STON1: variants seen among roughly 807,000 people sequenced by gnomAD.
The protein encoded by STON1 is stonin-1.
Under a neutral mutation model 60.9 loss-of-function variants are expected in STON1, and 79 were observed. That is an observed-to-expected ratio of 1.30 (90% confidence interval 1.08 to 1.56). The LOEUF is 1.56. Ranked by LOEUF, STON1 falls within the 40% of genes most tolerant of loss-of-function variation. STON1 has a pLI of 0.00. For synonymous variants in STON1, 363 were observed against 306.9 expected, an observed-to-expected ratio of 1.18 and a Z score of -1.91; for missense variants, 1,166 against 858.9, an observed-to-expected ratio of 1.36 and a Z score of -4.47.
intron 1 of STON1, among the ~76,000 whole-genome samples, chr2:48,546,427 T>G (rs1671869266): frequency 6.6e-6 from 1 of 152,204 alleles, no homozygotes; most frequent in Non-Finnish European, 1.5e-5. Flanking sequence ...GCCTTCAAGA[T>G]TTAGCTCTGA....
intron 1 of STON1, among the ~76,000 whole-genome samples, chr2:48,537,350 C>T (rs1290393681): frequency 6.6e-6 from 1 of 152,060 alleles, no homozygotes. Context: ...TTACTTAATG[C>T]TTTAATGTCT....
intron 1 of STON1, among the ~76,000 whole-genome samples, chr2:48,556,466 G>A (rs1480634334): frequency 1.2e-3 from 6 of 5,124 alleles, no homozygotes; most frequent in African/African-American, 3.6e-3. Context: ...CAGTAGGGGC[G>A]GCCGGGCAGA....
intron 1 of STON1, among the ~76,000 whole-genome samples, chr2:48,571,674 G>A (rs113048142): frequency 7.0e-4 from 107 of 152,272 alleles, no homozygotes; most frequent in African/African-American, 2.5e-3. Flanking sequence ...ACAGACCAAG[G>A]CTCTGGACAG....
chr2:48,564,878 G>C (rs1169225516), intron 1 of STON1, among the ~76,000 whole-genome samples: 1 of 148,146 alleles, frequency 6.8e-6, no homozygotes, highest in Non-Finnish European at 1.5e-5. Context: ...AATTACAGGC[G>C]TGCACCACCA....
intron 1 of STON1, among the ~76,000 whole-genome samples, chr2:48,534,788 G>C (rs1024770635): frequency 6.6e-6 from 1 of 152,152 alleles, no homozygotes; most frequent in African/African-American, 2.4e-5. Context: ...TCTCCTAAGA[G>C]GGGGTGAGGA....
rs183102146 is a variant in STON1 at position 48,565,408 on chromosome 2, C to G, written c.-47-15179C>G. Reference sequence around the variant, plus strand: ...CATGAGGGCTCTACACTCATGACCTCATTACCTTCTAATGGCCCCATCTCT... The same window carrying G: ...CATGAGGGCTCTACACTCATGACCTGATTACCTTCTAATGGCCCCATCTCT... On this transcript the variant is annotated intron_variant, in intron 1 of 3. Coordinates refer to ENST00000404752, the MANE Select transcript of STON1 (RefSeq NM_006873.4). Among the ~76,000 whole-genome samples the G allele has an allele frequency of 1.4e-4, 21 of 152,210 alleles. 1 individual carries two copies. The highest frequency in any genetic ancestry group is 1.2e-3 in the Admixed American group (19 of 15,292).
chr2:48,585,197 A>G lies in STON1; in HGVS notation c.1930+2634A>G, dbSNP rs115862237. 1.9e-3 allele frequency among the ~76,000 whole-genome samples: 282 copies of G among 152,162 alleles called. 3 individuals carry two copies. Among genetic ancestry groups the G allele is most frequent in the Middle Eastern group, 0.01 (3 of 294 alleles). On this transcript the variant is annotated intron_variant, in intron 2 of 3. Transcript: ENST00000404752. ...GATCAACTCTGCTGTGATGGGAGGG[A>G]AGGTCAGTATCTTCTATGATATAAT... is the stretch of plus-strand genomic sequence containing the variant.
chr2:48,580,478 A>G, intron 1 of STON1, 109 bp from the exon 2 acceptor site: 2 of 1,127,932 alleles, frequency 1.8e-6, no homozygotes, highest in Non-Finnish European at 2.2e-6. Flanking sequence ...CCACTTAGCC[A>G]CCAACAGAAT....
chr2:48,577,531 A>T (rs1022764188), intron 1 of STON1, among the ~76,000 whole-genome samples: 1 of 150,636 alleles, frequency 6.6e-6, no homozygotes, highest in African/African-American at 2.4e-5. Context: ...CAGTGAGTTG[A>T]GATCGGGCCA....
chr2:48,583,731 C>T (rs574282031), intron 2 of STON1, among the ~76,000 whole-genome samples: 1 of 150,450 alleles, frequency 6.6e-6, no homozygotes, highest in East Asian at 1.9e-4. Flanking sequence ...ATCCATCCAT[C>T]CATTGATCCA....
chr2:48,571,057 T>C (rs561073404), intron 1 of STON1, among the ~76,000 whole-genome samples: 97 of 152,186 alleles, frequency 6.4e-4, no homozygotes, highest in African/African-American at 2.3e-3. Context: ...GGTTTCACCA[T>C]GTTGGCCAGG....
rs572264454 is a variant in STON1, at chr2:48,581,617, T to C, written c.984T>C (p.Cys328=). ...AAGAGATACAGCTTGATCCATATTG[T>C]AGGCTTTCTGAACCCAAGGTTGAGA... ...PFKEIQLDPY[C]RLSEPKVENF... is the part of the protein sequence containing the mutation. The change falls in exon 2 of 4, where the codon TGT becomes TGC. Residue 328 remains cysteine, a synonymous_variant. Transcript: ENST00000404752. 2.5e-6 allele frequency: 4 copies of C among 1,614,226 alleles called. No homozygotes were observed. In the South Asian group the frequency reaches 3.3e-5, roughly 13 times the overall value.
At chr2:48,552,529 G>A (rs912504232) in intron 1 of STON1, among the ~76,000 whole-genome samples, 2 of 152,062 alleles carry the variant, frequency 1.3e-5, no homozygotes, top group African/African-American at 2.4e-5. Flanking sequence ...TTGGGAGGCC[G>A]AGGTGGGCAG....
In STON1 at chr2:48,595,420, C is replaced by G; in HGVS notation, c.*118C>G. The stretch of plus-strand genomic sequence containing the variant: ...TCTGAATAGCGGTTTTAGGACAGGT[C>G]TGATGGCTGTGTTTAGAGAAGTTTA... On this transcript the variant is annotated 3_prime_UTR_variant, in exon 4 of 4. Transcript: ENST00000404752. 1.2e-6 allele frequency: 1 copy of G among 822,636 alleles called. No individual in the cohort carries two copies. Among genetic ancestry groups the G allele is most frequent in the Non-Finnish European group, 1.9e-6 (1 of 518,512 alleles). The allele number at this position is 822,636 out of a possible 1,614,324, so 51.0% of individuals were successfully genotyped here. A position where few individuals can be genotyped will look rare whatever the true frequency, so the allele number is the denominator to read the frequency against.
intron 1 of STON1, among the ~76,000 whole-genome samples, chr2:48,555,482 G>A (rs1463541581): frequency 1.1e-5 from 1 of 94,180 alleles, no homozygotes; most frequent in Admixed American, 9.5e-5. Context: ...CGGACGGGGC[G>A]GCTGGCCGGG....
chr2:48,584,861 G>GT (rs1674115593), intron 2 of STON1, among the ~76,000 whole-genome samples: 1 of 152,142 alleles, frequency 6.6e-6, no homozygotes, highest in Non-Finnish European at 1.5e-5. Context: ...ATGACTCTCT[G>GT]TTTGTTGGTT....
chr2:48,583,481 T>G (rs1163069270), intron 2 of STON1, among the ~76,000 whole-genome samples: 1 of 152,192 alleles, frequency 6.6e-6, no homozygotes, highest in African/African-American at 2.4e-5. Context: ...TATCTAAAAG[T>G]CAGAACTTGA....
At chr2:48,557,707 C>T (rs1409725987) in intron 1 of STON1, among the ~76,000 whole-genome samples, 1 of 68,984 alleles carries the variant, frequency 1.4e-5, no homozygotes, top group Non-Finnish European at 3.2e-5. Context: ...CCGAGGTTGG[C>T]GGATCACTCG....
In STON1 at chr2:48,582,476, A is replaced by G; in HGVS notation, c.1843A>G (p.Ile615Val). The G allele has an allele frequency of 6.2e-7, 1 of 1,614,184 alleles. No individual in the cohort carries two copies. Among genetic ancestry groups the G allele is most frequent in the Non-Finnish European group, 8.5e-7 (1 of 1,179,994 alleles). Residue 615 changes from isoleucine to valine, a missense_variant, in exon 2 of 4, where the codon ATT becomes GTT. Coordinates refer to ENST00000404752, the MANE Select transcript of STON1 (RefSeq NM_006873.4). The stretch of plus-strand genomic sequence containing the variant: ...ACAGGAACTTGAATCTGAACCTGTC[A>G]TTCAAGTCACTGTGGGGTCAGCAAA... ...SLQELESEPV[I>V]QVTVGSAKYE...
Sources: gnomAD v4.1 joint callset for allele counts (sites outside exome capture counted in the v4.1 genomes callset) on GRCh38, gnomAD v4.1.1 for gene constraint, MANE v1.5 for transcripts, NCBI Gene and HGNC (gene_info 2026-07-23, HGNC 2026-07-21) for gene names.